The following MAGI1 variants were observed in gnomAD, a reference collection of about 807,000 sequenced individuals.
MAGI1 encodes the protein membrane associated guanylate kinase, WW and PDZ domain containing 1.
A neutral mutation model predicts 139.9 loss-of-function variants in MAGI1; 58 were observed. The observed-to-expected ratio is 0.41, with a 90% confidence interval of 0.34 to 0.52. The LOEUF (loss-of-function observed/expected upper bound fraction) is 0.52, where lower values mean the gene tolerates loss of function less well. MAGI1 is among the 20% of genes least tolerant of loss of function. MAGI1 has a pLI of 0.12. For missense variants in MAGI1, 1,874 were observed against 1,901.6 expected (o/e 0.99, Z 0.27); for synonymous variants, 812 against 737.9 (o/e 1.10, Z -1.63).
intron 1 of MAGI1, among the ~76,000 whole-genome samples, chr3:65,961,516 T>C (rs1331532227): frequency 2.0e-5 from 3 of 152,114 alleles, no homozygotes; most frequent in African/African-American, 7.2e-5. Flanking sequence ...CCCCCAAAAA[T>C]CCACTGAAAA....
chr3:65,599,325 G>C (rs1178058999), intron 2 of MAGI1, among the ~76,000 whole-genome samples: 1 of 152,138 alleles, frequency 6.6e-6, no homozygotes, highest in Non-Finnish European at 1.5e-5. Context: ...ATGCAGTATC[G>C]GCTGGATTTC....
chr3:65,401,370 C>A (rs1050273074), intron 13 of MAGI1, 69 bp downstream of exon 13: 4 of 1,178,692 alleles, frequency 3.4e-6, no homozygotes, highest in East Asian at 2.6e-5. Context: ...CACAGAGTAC[C>A]CTCCCACCTC....
chr3:65,686,871 C>CT (rs1433807114), intron 1 of MAGI1, among the ~76,000 whole-genome samples: 1 of 152,154 alleles, frequency 6.6e-6, no homozygotes, highest in Non-Finnish European at 1.5e-5. Flanking sequence ...TTCTTTGTAA[C>CT]TTTACTAAGA....
At chr3:65,975,566 G>A (rs1274557193) in intron 1 of MAGI1, among the ~76,000 whole-genome samples, 4 of 151,504 alleles carry the variant, frequency 2.6e-5, no homozygotes, top group Non-Finnish European at 5.9e-5. Flanking sequence ...GACCAGCCTG[G>A]GCAACATGGC....
At chr3:65,911,521 G>A (rs2061669704) in intron 1 of MAGI1, among the ~76,000 whole-genome samples, 1 of 152,034 alleles carries the variant, frequency 6.6e-6, no homozygotes, top group African/African-American at 2.4e-5. Flanking sequence ...TCTGCTTAGG[G>A]TGGATTCAGG....
chr3:65,843,028 G>A (rs1396261346), intron 1 of MAGI1, among the ~76,000 whole-genome samples: 2 of 152,120 alleles, frequency 1.3e-5, no homozygotes, highest in Non-Finnish European at 2.9e-5. Flanking sequence ...TCCTACAATG[G>A]TCTTCAATGA....
Position 65,437,508 on chromosome 3 carries a change from A to C in MAGI1, c.1271-261T>G, listed in dbSNP as rs570009800. ...TGGCTGGAAAGTCCAAAGTGAAGTC[A>C]GTTAAAAAATGTCAGGAAAGACATA... is the stretch of plus-strand genomic sequence containing the variant. On this transcript the variant is annotated intron_variant, in intron 9 of 22. Coordinates refer to ENST00000402939, the MANE Select transcript of MAGI1 (RefSeq NM_001033057.2). Among the ~76,000 whole-genome samples the C allele has an allele frequency of 2.6e-5, 4 of 152,118 alleles. No individual in the cohort carries two copies. The East Asian group carries it at 7.7e-4, about 29-fold the overall frequency.
At chr3:65,414,799 C>T (rs1232939467) in intron 12 of MAGI1, among the ~76,000 whole-genome samples, 3 of 150,680 alleles carry the variant, frequency 2.0e-5, no homozygotes, top group South Asian at 2.1e-4. Flanking sequence ...CTTGGGAGGC[C>T]GAGGCAGGCA....
intron 1 of MAGI1, among the ~76,000 whole-genome samples, chr3:65,836,549 G>A (rs1010017877): frequency 8.5e-5 from 13 of 152,082 alleles, no homozygotes; most frequent in East Asian, 1.9e-4. Flanking sequence ...GGCCGGGCGC[G>A]GTGGCTCACG....
At chr3:65,659,762 G>C (rs1245521847) in intron 1 of MAGI1, among the ~76,000 whole-genome samples, 1 of 152,140 alleles carries the variant, frequency 6.6e-6, no homozygotes, top group South Asian at 2.1e-4. Context: ...CAAGAGCCTG[G>C]ATATCAGCTG....
chr3:65,554,422 GCTGGGGTTGAGCATAAACCAAGAAGAC>G (rs1448597732), intron 2 of MAGI1, among the ~76,000 whole-genome samples: 1 of 152,166 alleles, frequency 6.6e-6, no homozygotes, highest in Non-Finnish European at 1.5e-5. Flanking sequence ...TCTGTTGGAG[GCTGGGGTTGAGCATAAACCAAGAAGAC>G]CTTCTTACTT....
intron 13 of MAGI1, among the ~76,000 whole-genome samples, chr3:65,395,226 C>T (rs116630581): frequency 1.3e-5 from 2 of 152,106 alleles, no homozygotes; most frequent in African/African-American, 4.8e-5. Context: ...GGGAATGTAT[C>T]TAAGTGTGTG....
intron 14 of MAGI1, among the ~76,000 whole-genome samples, chr3:65,390,075 G>A (rs888292024): frequency 6.6e-6 from 1 of 152,166 alleles, no homozygotes; most frequent in African/African-American, 2.4e-5. Flanking sequence ...GGCCGGCAAA[G>A]GAAGCACAGC....
chr3:65,708,445 G>C (rs2107639175), intron 1 of MAGI1, among the ~76,000 whole-genome samples: 1 of 152,276 alleles, frequency 6.6e-6, no homozygotes, highest in East Asian at 1.9e-4. Context: ...ACCCCTCAGA[G>C]ACGAAGAAGC....
intron 1 of MAGI1, among the ~76,000 whole-genome samples, chr3:65,945,068 C>T (rs541788260): frequency 3.6e-4 from 55 of 152,180 alleles, no homozygotes; most frequent in African/African-American, 1.2e-3. Context: ...GTGGTGTGTC[C>T]GTAGGGCAAG....
rs370235275 is a variant in MAGI1 at position 65,974,880 on chromosome 3, G to T, written c.313+63116C>A. On this transcript the variant is annotated intron_variant, in intron 1 of 22. Transcript: ENST00000402939. Reference sequence around the variant, plus strand: ...TAGGCTATTGGTCTCACAGACCTGGGAACAGACTGCACGAAGGTGTAAATA... The same window carrying T: ...TAGGCTATTGGTCTCACAGACCTGGTAACAGACTGCACGAAGGTGTAAATA... 1.2e-4 allele frequency among the ~76,000 whole-genome samples: 19 copies of T among 152,274 alleles called. No homozygotes were observed. In the South Asian group the frequency reaches 3.5e-3, roughly 28 times the overall value.
At chr3:65,653,345 A>C (rs531040637) in intron 1 of MAGI1, among the ~76,000 whole-genome samples, 6 of 152,130 alleles carry the variant, frequency 3.9e-5, no homozygotes, top group Admixed American at 1.3e-4. Context: ...GGCCCCTTCC[A>C]CCAGACATAA....
intron 1 of MAGI1, among the ~76,000 whole-genome samples, chr3:65,632,421 T>C (rs1481791490): frequency 1.3e-5 from 2 of 152,180 alleles, no homozygotes; most frequent in African/African-American, 4.8e-5. Context: ...GAAAATTAAT[T>C]TGGAGTATGG....
chr3:65,584,180 T>A (rs746124285), intron 2 of MAGI1, among the ~76,000 whole-genome samples: 2 of 150,750 alleles, frequency 1.3e-5, no homozygotes, highest in Non-Finnish European at 2.9e-5. Context: ...GCCTACAGAA[T>A]GAGCTACTTT....
Sources: allele counts gnomAD v4.1 joint callset (sites outside exome capture counted in the v4.1 genomes callset), GRCh38; gene constraint gnomAD v4.1.1; transcripts MANE v1.5; gene names NCBI Gene and HGNC (gene_info 2026-07-23, HGNC 2026-07-21).